RBFOX1: variants seen among roughly 807,000 people sequenced by gnomAD.
The protein encoded by RBFOX1 is RNA binding protein fox-1 homolog 1.
Under a neutral mutation model 57.7 loss-of-function variants are expected in RBFOX1, and 8 were observed. The ratio of observed to expected loss-of-function variants is 0.14; its 90% CI spans 0.08 to 0.25. RBFOX1 has a LOEUF of 0.25. Among genes scored for constraint, RBFOX1 ranks in the 10% least tolerant of loss-of-function variants. The pLI is 1.00. For synonymous variants in RBFOX1, 326 were observed against 222.4 expected (o/e 1.47, Z -4.15); for missense variants, 611 against 548.5 (o/e 1.11, Z -1.14).
At chr16:6,225,970 C>G (rs1209768955) in intron 1 of RBFOX1, among the ~76,000 whole-genome samples, 1 of 152,084 alleles carries the variant, frequency 6.6e-6, no homozygotes, top group African/African-American at 2.4e-5. Context: ...TTCTAGGATT[C>G]TTAAAATCAT....
intron 1 of RBFOX1, among the ~76,000 whole-genome samples, chr16:5,386,884 C>T (rs922925915): frequency 6.6e-6 from 1 of 152,136 alleles, no homozygotes; most frequent in Non-Finnish European, 1.5e-5. Context: ...AACCCCATCT[C>T]TACTAAAAAT....
At chr16:7,242,179 G>A (rs1451556946) in intron 4 of RBFOX1, among the ~76,000 whole-genome samples, 1 of 152,158 alleles carries the variant, frequency 6.6e-6, no homozygotes, top group Non-Finnish European at 1.5e-5. Context: ...TGTAGGTCAT[G>A]CACTTACTGT....
At position 6,859,191 on chromosome 16, in the gene RBFOX1, A is replaced by ATATACG. The variant is rs2058563534; in HGVS notation, c.-15-192862_-15-192861insCGTATA. On this transcript the variant is annotated intron_variant, in intron 3 of 15. Coordinates refer to ENST00000550418, the MANE Select transcript of RBFOX1 (RefSeq NM_018723.4). Reference sequence around the variant, plus strand: ...TATATATATGTATATATATGTATATATATATGTATATATATATATACAAAA... The same window carrying ATATACG: ...TATATATATGTATATATATGTATATATATACGTATATGTATATATATATATACAAAA... Among the ~76,000 whole-genome samples, 2 of 100,578 alleles carry ATATACG rather than the reference A, an allele frequency of 2.0e-5. 1 individual carries two copies. The highest frequency in any genetic ancestry group is 7.1e-5 in the African/African-American group (2 of 28,266). The allele number at this position is 100,578 out of a possible 152,430, so 66.0% of individuals were successfully genotyped here.
chr16:7,231,151 C>G (rs571541843), intron 4 of RBFOX1, among the ~76,000 whole-genome samples: 11 of 152,246 alleles, frequency 7.2e-5, no homozygotes, highest in African/African-American at 2.6e-4. Context: ...CCATGGTAGA[C>G]AAGAGACCAC....
intron 3 of RBFOX1, among the ~76,000 whole-genome samples, chr16:5,739,795 C>T (rs867807498): frequency 3.9e-5 from 6 of 152,350 alleles, no homozygotes; most frequent in Middle Eastern, 3.4e-3. Flanking sequence ...GTTGGGGCCT[C>T]CTCCCCTCTC....
chr16:6,933,035 T>A (rs1165269752), intron 3 of RBFOX1, among the ~76,000 whole-genome samples: 1 of 152,248 alleles, frequency 6.6e-6, no homozygotes, highest in East Asian at 1.9e-4. Context: ...TAGCATAATA[T>A]CCTTAAGGTT....
chr16:5,266,121 C>T (rs536782309), intron 1 of RBFOX1, among the ~76,000 whole-genome samples: 169 of 152,076 alleles, frequency 1.1e-3, no homozygotes, highest in African/African-American at 4.0e-3. Flanking sequence ...TATGAGATGA[C>T]TAGAATGAAA....
At chr16:5,931,665 CA>C (rs1263533801) in intron 4 of RBFOX1, among the ~76,000 whole-genome samples, 2 of 152,142 alleles carry the variant, frequency 1.3e-5, no homozygotes, top group African/African-American at 2.4e-5. Context: ...GAAGGAGACT[CA>C]AGTTTTGTGG....
intron 4 of RBFOX1, among the ~76,000 whole-genome samples, chr16:7,151,421 A>C (rs2127065): frequency 0.48 from 72,728 of 151,932 alleles, 19,275 homozygotes; most frequent in South Asian, 0.67. Flanking sequence ...GGGTTAAACT[A>C]ATGTCACTAA....
Position 6,709,457 on chromosome 16 carries a change from A to G in RBFOX1, c.-16+54807A>G, listed in dbSNP as rs1177665601. ...GAACGTTAAGTTTCATGAGTTCTTC[A>G]TACAATATAGCTGACAGCTCTTAAA... On this transcript the variant is annotated intron_variant, in intron 3 of 15. Transcript: ENST00000550418. 2.0e-5 allele frequency among the ~76,000 whole-genome samples: 3 copies of G among 152,248 alleles called. No homozygotes were observed. The East Asian group carries it at 5.8e-4, about 29-fold the overall frequency.
At chr16:7,124,707 A>G (rs753484626) in intron 4 of RBFOX1, among the ~76,000 whole-genome samples, 1 of 151,926 alleles carries the variant, frequency 6.6e-6, no homozygotes, top group Non-Finnish European at 1.5e-5. Flanking sequence ...CACATACACA[A>G]AAAGACTCTA....
chr16:6,846,013 C>T (rs1410027867), intron 3 of RBFOX1, among the ~76,000 whole-genome samples: 1 of 152,228 alleles, frequency 6.6e-6, no homozygotes, highest in African/African-American at 2.4e-5. Flanking sequence ...TGAACCTGTG[C>T]ATCTGCTTCA....
intron 2 of RBFOX1, among the ~76,000 whole-genome samples, chr16:6,549,951 G>T (rs1334015615): frequency 6.6e-6 from 1 of 152,058 alleles, no homozygotes; most frequent in Non-Finnish European, 1.5e-5. Flanking sequence ...TGCTTTCTTT[G>T]GCTGGCTTTG....
intron 3 of RBFOX1, among the ~76,000 whole-genome samples, chr16:7,038,133 G>A (rs1597692635): frequency 6.6e-6 from 1 of 152,172 alleles, no homozygotes; most frequent in East Asian, 1.9e-4. Flanking sequence ...GGGGATGATG[G>A]GAAAATCTTC....
chr16:7,255,827 A>C (rs1027763131), intron 4 of RBFOX1, among the ~76,000 whole-genome samples: 2 of 152,214 alleles, frequency 1.3e-5, no homozygotes, highest in Non-Finnish European at 2.9e-5. Context: ...GTACATTTTT[A>C]TACTGACAGC....
intron 10 of RBFOX1, among the ~76,000 whole-genome samples, chr16:7,611,146 C>G (rs545442931): frequency 7.2e-5 from 11 of 152,248 alleles, no homozygotes; most frequent in Middle Eastern, 3.4e-3. Flanking sequence ...AATTAACAAC[C>G]CAGCCTCCCG....
intron 12 of RBFOX1, among the ~76,000 whole-genome samples, chr16:7,656,862 A>C (rs1024651): frequency 0.2 from 30,215 of 152,144 alleles, 3,205 homozygotes; most frequent in South Asian, 0.35. Flanking sequence ...GGGTGTTTAC[A>C]GAAGGCATCC....
chr16:6,778,602 G>C (rs1228501566), intron 3 of RBFOX1, among the ~76,000 whole-genome samples: 1 of 151,984 alleles, frequency 6.6e-6, no homozygotes, highest in African/African-American at 2.4e-5. Flanking sequence ...TCCAAACGAG[G>C]ACTATAGAAT....
chr16:7,078,669 CTTATT>C (rs774430633), intron 4 of RBFOX1, among the ~76,000 whole-genome samples: 25 of 149,312 alleles, frequency 1.7e-4, no homozygotes, highest in Non-Finnish European at 3.4e-4. Flanking sequence ...TTTATTTTAT[CTTATT>C]TTATTTATTT....
Sources: gnomAD v4.1 joint callset for allele counts (sites outside exome capture counted in the v4.1 genomes callset) on GRCh38, gnomAD v4.1.1 for gene constraint, MANE v1.5 for transcripts, NCBI Gene and HGNC (gene_info 2026-07-23, HGNC 2026-07-21) for gene names.